ANKIB1: variants seen among roughly 807,000 people sequenced by gnomAD.
The protein encoded by ANKIB1 is ankyrin repeat and IBR domain containing 1, also known as ankyrin repeat and IBR domain-containing protein 1.
Under a neutral mutation model 122.1 loss-of-function variants are expected in ANKIB1, and 43 were observed. The ratio of observed to expected loss-of-function variants is 0.35; its 90% CI spans 0.28 to 0.45. The LOEUF is 0.45. ANKIB1 is among the 20% of genes least tolerant of loss of function. The pLI, the probability that ANKIB1 is intolerant of heterozygous loss-of-function variation, is 1.00. For missense variants in ANKIB1, 992 were observed against 1,329.5 expected (o/e 0.75, Z 3.95); for synonymous variants, 390 against 442.0 (o/e 0.88, Z 1.48).
intron 5 of ANKIB1, among the ~76,000 whole-genome samples, chr7:92,328,932 T>A (rs1269627963): frequency 2.7e-5 from 4 of 147,932 alleles, no homozygotes; most frequent in African/African-American, 9.8e-5. Flanking sequence ...ATATTATATA[T>A]AAAACATATA....
At chr7:92,360,840 G>A in intron 9 of ANKIB1, among the ~76,000 whole-genome samples, 1 of 149,878 alleles carries the variant, frequency 6.7e-6, no homozygotes, top group African/African-American at 2.4e-5. Flanking sequence ...GTCAGTTGGT[G>A]TGTCTTCTTA....
intron 3 of ANKIB1, among the ~76,000 whole-genome samples, chr7:92,309,942 A>AAAAAAAATATATAT (rs1335765681): frequency 1.9e-4 from 17 of 91,772 alleles, no homozygotes; most frequent in African/African-American, 7.7e-4. Context: ...AAAAAAAAAA[A>AAAAAAAATATATAT]ATATATATAT....
Position 92,390,122 on chromosome 7 carries a change from A to T in ANKIB1, c.2052+6A>T, listed in dbSNP as rs763366947. ...AAATTTTTGAACTAATGCAAGTAAG[A>T]TTTTTTTAATTACATTTAAATGGCA... On this transcript the variant is annotated splice_donor_region_variant and intron_variant, in intron 15 of 19. Coordinates refer to ENST00000265742, the MANE Select transcript of ANKIB1 (RefSeq NM_019004.2). 6.5e-7 allele frequency: 1 copy of T among 1,547,676 alleles called. No homozygotes were observed. Among genetic ancestry groups the T allele is most frequent in the Admixed American group, 2.2e-5 (1 of 46,174 alleles).
At chr7:92,374,961 T>G (rs1244466574) in intron 11 of ANKIB1, among the ~76,000 whole-genome samples, 1 of 152,130 alleles carries the variant, frequency 6.6e-6, no homozygotes, top group Non-Finnish European at 1.5e-5. Flanking sequence ...GATGCTGTGG[T>G]CCAGTTCCAG....
intron 11 of ANKIB1, among the ~76,000 whole-genome samples, chr7:92,385,192 A>G (rs1804607991): frequency 6.6e-6 from 1 of 152,242 alleles, no homozygotes; most frequent in Admixed American, 6.5e-5. Context: ...ACCATCTCAC[A>G]CCAGTTAGAA....
At chr7:92,298,108 TTA>T (rs1434356081) in intron 2 of ANKIB1, among the ~76,000 whole-genome samples, 1 of 151,970 alleles carries the variant, frequency 6.6e-6, no homozygotes, top group Non-Finnish European at 1.5e-5. Context: ...TAAAATCATA[TTA>T]TTATTATTAT....
intron 1 of ANKIB1, among the ~76,000 whole-genome samples, chr7:92,264,557 T>C (rs1371660724): frequency 6.6e-6 from 1 of 150,388 alleles, no homozygotes; most frequent in Non-Finnish European, 1.5e-5. Flanking sequence ...GCCACCACGC[T>C]TGACTAATTT....
chr7:92,350,115 C>G (rs1282988580), intron 7 of ANKIB1, among the ~76,000 whole-genome samples: 1 of 151,704 alleles, frequency 6.6e-6, no homozygotes, highest in African/African-American at 2.4e-5. Flanking sequence ...CCTCACTACT[C>G]AAGTATACCT....
Position 92,291,069 on chromosome 7 carries a change from A to C in ANKIB1, c.-90-3820A>C, listed in dbSNP as rs1049821730. Reference sequence around the variant, plus strand: ...AGCACTTTGGAAGGCCGAGGTGGGCAGATCACCTGAAGTCAGGAGTTCGAG... The same window carrying C: ...AGCACTTTGGAAGGCCGAGGTGGGCCGATCACCTGAAGTCAGGAGTTCGAG... On this transcript the variant is annotated intron_variant, in intron 1 of 19. Transcript: ENST00000265742. 3.9e-4 allele frequency among the ~76,000 whole-genome samples: 60 copies of C among 152,152 alleles called. 2 individuals carry two copies. Among genetic ancestry groups the C allele is most frequent in the Non-Finnish European group, 5.9e-5 (4 of 68,012 alleles).
intron 1 of ANKIB1, among the ~76,000 whole-genome samples, chr7:92,261,401 T>A (rs1032548749): frequency 1.3e-5 from 2 of 150,502 alleles, no homozygotes; most frequent in African/African-American, 4.9e-5. Context: ...TTTGTTTTGT[T>A]TTGTTTTGTT....
At chr7:92,278,429 C>T (rs1382135194) in intron 1 of ANKIB1, among the ~76,000 whole-genome samples, 7 of 152,144 alleles carry the variant, frequency 4.6e-5, no homozygotes, top group Non-Finnish European at 1.0e-4. Flanking sequence ...AGTTTTCCTT[C>T]AGGAAGAGAG....
chr7:92,259,380 T>C (rs1258531972), intron 1 of ANKIB1, among the ~76,000 whole-genome samples: 3 of 152,218 alleles, frequency 2.0e-5, no homozygotes, highest in Non-Finnish European at 4.4e-5. Flanking sequence ...TCTTTACTTC[T>C]TGTTGTAGTT....
intron 1 of ANKIB1, among the ~76,000 whole-genome samples, chr7:92,286,583 G>T (rs933463271): frequency 6.6e-6 from 1 of 150,908 alleles, no homozygotes. Context: ...GGGTTTAATC[G>T]ATTCTCCTGC....
At chr7:92,361,408 C>G (rs917715536) in intron 9 of ANKIB1, among the ~76,000 whole-genome samples, 11 of 152,054 alleles carry the variant, frequency 7.2e-5, no homozygotes, top group Admixed American at 3.3e-4. Flanking sequence ...GTTTTTCAAA[C>G]TTTAAAATGA....
At chr7:92,377,022 T>C (rs1182633542) in intron 11 of ANKIB1, among the ~76,000 whole-genome samples, 2 of 152,206 alleles carry the variant, frequency 1.3e-5, no homozygotes, top group East Asian at 3.8e-4. Flanking sequence ...ATAGCACTTT[T>C]ACTTTCCTTC....
Position 92,297,788 on chromosome 7 carries a change from C to T in ANKIB1, c.188+2622C>T, listed in dbSNP as rs577417963. On this transcript the variant is annotated intron_variant, in intron 2 of 19. Transcript: ENST00000265742. ...AATACCTTGTTTTCTACATTATATTCTATTTGGCTTCCAAAACTCTCTTTA... is the reference window on the plus strand; with the variant it reads ...AATACCTTGTTTTCTACATTATATTTTATTTGGCTTCCAAAACTCTCTTTA... Among the ~76,000 whole-genome samples, 31 of 152,180 alleles carry T rather than the reference C, an allele frequency of 2.0e-4. 1 individual carries two copies. Among genetic ancestry groups the T allele is most frequent in the Non-Finnish European group, 4.1e-4 (28 of 67,996 alleles).
intron 10 of ANKIB1, 118 bp from the exon 11 acceptor site, chr7:92,371,359 T>C (rs1804250590): frequency 1.2e-6 from 1 of 862,720 alleles, no homozygotes; most frequent in Non-Finnish European, 1.8e-6. Flanking sequence ...GATCAGAAAA[T>C]AAATATTTTA....
chr7:92,295,682 A>G (rs1042190858), intron 2 of ANKIB1, among the ~76,000 whole-genome samples: 1 of 152,158 alleles, frequency 6.6e-6, no homozygotes, highest in East Asian at 1.9e-4. Flanking sequence ...CCTTTCTTTT[A>G]ATGGGATTCA....
intron 11 of ANKIB1, among the ~76,000 whole-genome samples, chr7:92,377,918 A>G (rs993455312): frequency 3.9e-5 from 6 of 152,060 alleles, no homozygotes; most frequent in Admixed American, 3.9e-4. Flanking sequence ...GGTAATTCTA[A>G]TTTTATTTAA....
Sources: allele counts gnomAD v4.1 joint callset (sites outside exome capture counted in the v4.1 genomes callset), GRCh38; gene constraint gnomAD v4.1.1; transcripts MANE v1.5; gene names NCBI Gene and HGNC (gene_info 2026-07-23, HGNC 2026-07-21).